Variants in FHL1 observed in about 807,000 individuals in gnomAD.
The protein encoded by FHL1 is four and a half LIM domains 1, also known as four and a half LIM domains protein 1.
A neutral mutation model predicts 20.3 loss-of-function variants in FHL1; 1 was observed. That is an observed-to-expected ratio of 0.05 (90% CI 0.02 to 0.23). The LOEUF is 0.23. Ranked by LOEUF, FHL1 falls within the 10% of genes least tolerant of loss-of-function variation. The pLI, the probability that FHL1 is intolerant of heterozygous loss-of-function variation, is 1.00. For missense variants in FHL1, 177 were observed against 234.0 expected (o/e 0.76, Z 1.59); for synonymous variants, 82 against 88.9 (o/e 0.92, Z 0.44).
intron 1 of FHL1, among the ~76,000 whole-genome samples, chrX:136,153,675 A>G (rs1256558723): frequency 8.9e-6 from 1 of 112,245 alleles, no homozygotes; most frequent in Non-Finnish European, 1.9e-5. Flanking sequence ...TGCAGAAAAT[A>G]TAGAAAAGCT....
chrX:136,205,960 A>G (rs2073828672), intron 1 of FHL1: 1 of 207,075 alleles, frequency 4.8e-6, no homozygotes, highest in Non-Finnish European at 8.9e-6. Context: ...GTATAAAACA[A>G]CTGCTTCTTG....
At chrX:136,156,642 A>G (rs1219654486) in intron 1 of FHL1, among the ~76,000 whole-genome samples, 1 of 111,827 alleles carries the variant, frequency 8.9e-6, no homozygotes, top group African/African-American at 3.3e-5. Flanking sequence ...GTACTAAGGA[A>G]ATGATAGCTG....
At chrX:136,205,896 C>T (rs1428306140) in intron 1 of FHL1, among the ~76,000 whole-genome samples, 4 of 111,115 alleles carry the variant, frequency 3.6e-5, no homozygotes, top group African/African-American at 1.3e-4. Flanking sequence ...TGCCTGCAGG[C>T]GGGGCCCCTG....
chrX:136,168,627 A>T (rs2072776245), upstream of FHL1, among the ~76,000 whole-genome samples: 1 of 111,482 alleles, frequency 9.0e-6, no homozygotes, highest in Non-Finnish European at 1.9e-5. Flanking sequence ...TTGGCCTGGC[A>T]AACAAGAACC....
At chrX:136,188,774 C>G (rs892866087) in intron 2 of FHL1, among the ~76,000 whole-genome samples, 3 of 110,495 alleles carry the variant, frequency 2.7e-5, no homozygotes, top group Non-Finnish European at 5.7e-5. Context: ...GGTCAAGAGT[C>G]GGGTAGATGG....
chrX:136,193,095 AAAC>A (rs1385894878), upstream of FHL1, among the ~76,000 whole-genome samples: 4 of 110,822 alleles, frequency 3.6e-5, no homozygotes. Flanking sequence ...AAAAAAAAAA[AAAC>A]AACTGGACAT....
chrX:136,184,641 CT>C (rs1156281501), intron 2 of FHL1, among the ~76,000 whole-genome samples: 1 of 111,213 alleles, frequency 9.0e-6, no homozygotes, highest in Non-Finnish European at 1.9e-5. Context: ...GATTGCCAGT[CT>C]TTTCACAAAG....
Position 136,209,921 on chromosome X carries a change from G to C in FHL1, c.787G>C (p.Asp263His). 8.3e-7 allele frequency: 1 copy of C among 1,210,839 alleles called. No homozygotes were observed. Among genetic ancestry groups the C allele is most frequent in the South Asian group, 1.8e-5 (1 of 56,896 alleles). ...VVAYEGQSWH[D>H]YCFHCKKCSV... ...GGCCTATGAAGGACAATCCTGGCAC[G>C]ACTACTGCTTCCACTGCAAAAAATG... The change falls in exon 6 of 6, where the codon GAC becomes CAC. Residue 263 changes from aspartate to histidine, a missense_variant. By Grantham distance (81) the Asp-to-His change is moderately conservative (BLOSUM62 -1). Transcript: ENST00000370683.
rs1360290272 is a variant in FHL1 at position 136,206,604 on chromosome X, A to G, written c.204+16A>G. 8.3e-7 allele frequency: 1 copy of G among 1,211,633 alleles called. No homozygotes were observed. The highest frequency in any genetic ancestry group is 1.1e-6 in the Non-Finnish European group (1 of 894,960). ...GGACTCCAAGGTAACGGGCATCCCC[A>G]TGTGCCAATGGGAAGGGCTGGGTTT... is the stretch of plus-strand genomic sequence containing the variant. On this transcript the variant is annotated intron_variant, in intron 2 of 5. Coordinates refer to ENST00000370683, the MANE Select transcript of FHL1 (RefSeq NM_001159699.2).
At chrX:136,148,109 G>A (rs1304278195) in intron 1 of FHL1, 1 of 103,167 alleles carries the variant, frequency 9.7e-6, no homozygotes, top group East Asian at 3.1e-4. Context: ...AGCCAGGATA[G>A]CTAGCAGGGG....
chrX:136,208,633 C>G lies in FHL1; in HGVS notation c.728C>G (p.Pro243Arg). ...VAKKCAGCKN[P>R]ITGFGKGSSV... ...AAGAAGTGTGCTGGATGCAAGAACC[C>G]CATCACTGGTAGGCTAAAGAGTCCT... Residue 243 changes from proline (P) to arginine (R), a missense_variant, in exon 5 of 6, where the codon CCC (proline) becomes CGC (arginine). Physicochemically the swap from Pro to Arg is moderately radical, Grantham distance 103. Transcript: ENST00000370683. The G allele has an allele frequency of 5.0e-6, 6 of 1,209,797 alleles. No individual in the cohort carries two copies. Among genetic ancestry groups the G allele is most frequent in the Non-Finnish European group, 6.7e-6 (6 of 894,157 alleles).
intron 2 of FHL1, among the ~76,000 whole-genome samples, chrX:136,179,437 C>T (rs1437838862): frequency 2.7e-5 from 3 of 111,839 alleles, no homozygotes; most frequent in South Asian, 3.8e-4. Flanking sequence ...TTGGTCCTCT[C>T]GTGGGTGTTT....
chrX:136,169,276 G>A (rs1017374982), upstream of FHL1: 5 of 119,712 alleles, frequency 4.2e-5, no homozygotes, highest in Non-Finnish European at 8.6e-5. Context: ...TTTGTGTCAG[G>A]GTTGGGAACG....
At chrX:136,207,632 C>G in intron 3 of FHL1, 160 bp from the exon 4 acceptor site, 1 of 549,246 alleles carries the variant, frequency 1.8e-6, no homozygotes, top group Non-Finnish European at 3.0e-6. Context: ...TGGGTTGGCA[C>G]AAGCACAAGT....
Position 136,210,633 on chromosome X carries a change from G to C in FHL1, c.*608G>C, listed in dbSNP as rs911416657. 48 of 388,281 alleles carry C rather than the reference G, an allele frequency of 1.2e-4. No individual in the cohort carries two copies. Among genetic ancestry groups the C allele is most frequent in the Non-Finnish European group, 1.7e-4 (36 of 206,796 alleles). 32.0% of individuals were successfully genotyped at this position (388,281 alleles called of 1,213,427 possible). On this transcript the variant is annotated 3_prime_UTR_variant, in exon 6 of 6. Transcript: ENST00000370683. ...TAAACTGACCTTTCCCCGTACTAAC[G>C]TTTGGTTTCCCCGTGTGGCATGTTT...
chrX:136,210,298 CT>C lies in FHL1; in HGVS notation c.*274del. The C allele has an allele frequency of 2.2e-6, 1 of 454,956 alleles. No homozygotes were observed. The highest frequency in any genetic ancestry group is 4.0e-6 in the Non-Finnish European group (1 of 250,408). 37.5% of individuals were successfully genotyped at this position (454,956 alleles called of 1,213,427 possible). A position where few individuals can be genotyped will look rare whatever the true frequency, so the allele number is the denominator to read the frequency against. On this transcript the variant is annotated 3_prime_UTR_variant, in exon 6 of 6. Coordinates refer to ENST00000370683, the MANE Select transcript of FHL1 (RefSeq NM_001159699.2). The stretch of plus-strand genomic sequence containing the variant: ...GGTAGATTGACTCTTCTGCATGTTT[CT>C]CATAGAGCAGAAAAGTGCTAATCAT...
chrX:136,185,675 G>T (rs960314244), intron 2 of FHL1, among the ~76,000 whole-genome samples: 1 of 111,871 alleles, frequency 8.9e-6, no homozygotes, highest in South Asian at 3.7e-4. Context: ...ACAAGTGCCC[G>T]TTTCAGAAAA....
At position 136,210,975 on chromosome X, in the gene FHL1, A is replaced by G. The variant is rs1184009363; in HGVS notation, c.*950A>G. ...GAGTTGAGCAGGCGCCAGGGCTGTC[A>G]TCAACATGGATATGACATTTCACAA... is the stretch of plus-strand genomic sequence containing the variant. On this transcript the variant is annotated 3_prime_UTR_variant, in exon 6 of 6. Coordinates refer to ENST00000370683, the MANE Select transcript of FHL1 (RefSeq NM_001159699.2). 1 of 378,297 alleles carries G rather than the reference A, an allele frequency of 2.6e-6. No homozygotes were observed. Among genetic ancestry groups the G allele is most frequent in the Non-Finnish European group, 5.0e-6 (1 of 200,046 alleles). The allele number at this position is 378,297 out of a possible 1,213,427, so 31.2% of individuals were successfully genotyped here. A position where few individuals can be genotyped will look rare whatever the true frequency, so the allele number is the denominator to read the frequency against.
At chrX:136,198,355 A>G (rs1428184974) in intron 1 of FHL1, among the ~76,000 whole-genome samples, 1 of 111,927 alleles carries the variant, frequency 8.9e-6, no homozygotes, top group Non-Finnish European at 1.9e-5. Flanking sequence ...AGTGACAGAA[A>G]GTTTAAAAGT....
Sources: allele counts gnomAD v4.1 joint callset (sites outside exome capture counted in the v4.1 genomes callset), GRCh38; gene constraint gnomAD v4.1.1; transcripts MANE v1.5; gene names NCBI Gene and HGNC (gene_info 2026-07-23, HGNC 2026-07-21).